Variants in TASP1 observed in about 807,000 individuals in gnomAD.
The protein encoded by TASP1 is threonine aspartase 1.
In TASP1, 16 loss-of-function variants were observed where a neutral mutation model predicts 56.6. The observed-to-expected ratio is 0.28, with a 90% CI of 0.19 to 0.43. TASP1 has a LOEUF of 0.43. TASP1 is among the 20% of genes least tolerant of loss of function. The pLI, the probability that TASP1 is intolerant of heterozygous loss-of-function variation, is 1.00. For missense variants in TASP1, 393 were observed against 511.6 expected, an observed-to-expected ratio of 0.77 and a Z score of 2.24; for synonymous variants, 179 against 184.2, an observed-to-expected ratio of 0.97 and a Z score of 0.23.
the TASP1 span, among the ~76,000 whole-genome samples, chr20:13,221,258 C>CCTCCTT: frequency 2.8e-5 from 3 of 107,640 alleles, no homozygotes; most frequent in African/African-American, 4.5e-5. Flanking sequence ...TCCTCCTCCT[C>CCTCCTT]CTCCTTCTCC....
the TASP1 span, among the ~76,000 whole-genome samples, chr20:13,152,258 A>G: frequency 6.6e-6 from 1 of 152,200 alleles, no homozygotes; most frequent in South Asian, 2.1e-4. Flanking sequence ...TGACTAAATC[A>G]ATAAATGTCA....
rs887675288 is a variant in TASP1, at chr20:13,606,590, G to A, written c.282+16856C>T. On this transcript the variant is annotated intron_variant, in intron 4 of 13. Coordinates refer to ENST00000337743, the MANE Select transcript of TASP1 (RefSeq NM_017714.3). ...TGGGAGGCTAAAGTGGGCAGATCACGAGGTCAGGAGATCGAGACCATCCTG... is the reference window on the plus strand; with the variant it reads ...TGGGAGGCTAAAGTGGGCAGATCACAAGGTCAGGAGATCGAGACCATCCTG... Among the ~76,000 whole-genome samples, 6 of 151,976 alleles carry A rather than the reference G, an allele frequency of 3.9e-5. No homozygotes were observed. The East Asian group carries it at 5.8e-4, about 15-fold the overall frequency.
downstream of TASP1, among the ~76,000 whole-genome samples, chr20:13,385,377 A>T (rs1234771261): frequency 2.0e-5 from 3 of 152,230 alleles, no homozygotes; most frequent in Non-Finnish European, 4.4e-5. Context: ...GTGCCTGTTA[A>T]CACTGACTTA....
the TASP1 span, among the ~76,000 whole-genome samples, chr20:13,227,611 C>A: frequency 2.0e-5 from 3 of 151,666 alleles, no homozygotes. Flanking sequence ...TGGCTTCACG[C>A]CATTCTCCTG....
At chr20:13,231,863 C>T in the TASP1 span, among the ~76,000 whole-genome samples, 2 of 152,146 alleles carry the variant, frequency 1.3e-5, no homozygotes, top group African/African-American at 4.8e-5. Context: ...GAGCAGTGAC[C>T]TGGAAAAGGT....
chr20:13,368,067 G>C, the TASP1 span, among the ~76,000 whole-genome samples: 12 of 152,008 alleles, frequency 7.9e-5, no homozygotes, highest in Admixed American at 3.9e-4. Context: ...TGATTCCATA[G>C]GCTCTGAAAC....
chr20:13,396,978 T>C (rs888724062), intron 13 of TASP1, among the ~76,000 whole-genome samples: 2 of 152,250 alleles, frequency 1.3e-5, no homozygotes, highest in African/African-American at 4.8e-5. Context: ...CAGGCCACTT[T>C]GGTTCTTACT....
chr20:13,515,414 T>G (rs1209601620), intron 10 of TASP1, among the ~76,000 whole-genome samples: 3 of 152,008 alleles, frequency 2.0e-5, no homozygotes, highest in African/African-American at 7.2e-5. Context: ...TCTTGCTGCT[T>G]AAAGTACTGT....
the TASP1 span, among the ~76,000 whole-genome samples, chr20:13,206,488 T>C: frequency 6.6e-6 from 1 of 152,176 alleles, no homozygotes; most frequent in South Asian, 2.1e-4. Context: ...CATTGATATC[T>C]TAAAAATAAT....
intron 11 of TASP1, among the ~76,000 whole-genome samples, chr20:13,447,913 T>G (rs574730432): frequency 6.6e-6 from 1 of 152,278 alleles, no homozygotes; most frequent in East Asian, 1.9e-4. Flanking sequence ...TTTTCCCCAG[T>G]TGGTCATATA....
chr20:13,576,377 G>GAAAGAA (rs1555793584), intron 6 of TASP1, among the ~76,000 whole-genome samples: 39 of 71,280 alleles, frequency 5.5e-4, no homozygotes, highest in Middle Eastern at 7.2e-3. Flanking sequence ...AAGAAAGAAA[G>GAAAGAA]AAAGAAAGAA....
chr20:13,471,887 C>T (rs1568845742), intron 11 of TASP1, among the ~76,000 whole-genome samples: 1 of 152,084 alleles, frequency 6.6e-6, no homozygotes, highest in African/African-American at 2.4e-5. Context: ...ATCCAGGAAG[C>T]GCAAGGGGTC....
chr20:13,413,900 C>T (rs6109868), intron 13 of TASP1, among the ~76,000 whole-genome samples: 14,035 of 151,928 alleles, frequency 0.092, 1,241 homozygotes, highest in African/African-American at 0.23. Flanking sequence ...AAATATTGTC[C>T]ATATTATGGC....
At chr20:13,175,743 T>C in the TASP1 span, among the ~76,000 whole-genome samples, 1 of 152,236 alleles carries the variant, frequency 6.6e-6, no homozygotes, top group Non-Finnish European at 1.5e-5. Flanking sequence ...CAGAAGCCAT[T>C]AGAAAATATC....
At chr20:13,214,778 C>A in the TASP1 span, among the ~76,000 whole-genome samples, 1 of 152,282 alleles carries the variant, frequency 6.6e-6, no homozygotes, top group East Asian at 1.9e-4. Context: ...AAACTGTGGT[C>A]ATTTTAAACA....
the TASP1 span, among the ~76,000 whole-genome samples, chr20:13,293,981 A>G: frequency 6.6e-6 from 1 of 152,106 alleles, no homozygotes; most frequent in East Asian, 1.9e-4. Flanking sequence ...TCTCAAAAAA[A>G]AAAGAAAGAA....
At chr20:13,601,036 G>A (rs1302629053) in intron 4 of TASP1, among the ~76,000 whole-genome samples, 1 of 152,180 alleles carries the variant, frequency 6.6e-6, no homozygotes, top group Non-Finnish European at 1.5e-5. Context: ...AACCCTCTGG[G>A]AGGCCCAGAC....
the TASP1 span, chr20:13,299,042 C>T: frequency 6.2e-7 from 1 of 1,613,800 alleles, no homozygotes; most frequent in Non-Finnish European, 8.5e-7. This position sits in a 1 kb window ranked among gnomAD's most constrained non-coding sequence, Gnocchi z 5.8. Flanking sequence ...CCTGCTCCTA[C>T]CCCACTGAGG....
chr20:13,587,468 A>G, intron 4 of TASP1, 98 bp from the exon 5 acceptor site: 1 of 1,009,566 alleles, frequency 9.9e-7, no homozygotes. Context: ...AGGTGAGAGA[A>G]TACTTTCCAA....
Sources: gnomAD v4.1 joint callset for allele counts (sites outside exome capture counted in the v4.1 genomes callset) on GRCh38, gnomAD v4.1.1 for gene constraint, Gnocchi (gnomAD v3.1) non-coding constraint, MANE v1.5 for transcripts, NCBI Gene and HGNC (gene_info 2026-07-23, HGNC 2026-07-21) for gene names.